APOBEC3H: variants seen among roughly 807,000 people sequenced by gnomAD.
APOBEC3H encodes DNA dC->dU-editing enzyme APOBEC-3H.
Under a neutral mutation model 21.2 loss-of-function variants are expected in APOBEC3H, and 8 were observed. That is an observed-to-expected ratio of 0.38 (90% CI 0.22 to 0.68). APOBEC3H has a LOEUF of 0.68. Among genes scored for constraint, APOBEC3H ranks in the 30% least tolerant of loss-of-function variants. The pLI is 0.52. For synonymous variants in APOBEC3H, 88 were observed against 91.0 expected, an observed-to-expected ratio of 0.97 and a Z score of 0.19; for missense variants, 229 against 228.1, an observed-to-expected ratio of 1.00 and a Z score of -0.03.
chr22:39,102,277 T>C (rs971799323), intron 4 of APOBEC3H, among the ~76,000 whole-genome samples: 1 of 151,996 alleles, frequency 6.6e-6, no homozygotes. Context: ...GCCTCCCGAG[T>C]AGCTGGGAGT....
At position 39,103,824 on chromosome 22, in the gene APOBEC3H, T is replaced by C. The variant is rs1929504350; in HGVS notation, c.*127T>C. Reference sequence around the variant, plus strand: ...CAGTTGCCTCATAGCCTGCTGGTCCTGTAAGCAAGCACTAAGCTCCACAGT... The same window carrying C: ...CAGTTGCCTCATAGCCTGCTGGTCCCGTAAGCAAGCACTAAGCTCCACAGT... On this transcript the variant is annotated 3_prime_UTR_variant, in exon 5 of 5. Coordinates refer to ENST00000442487, the MANE Select transcript of APOBEC3H (RefSeq NM_181773.5). The C allele has an allele frequency of 1.6e-6, 2 of 1,246,812 alleles. No homozygotes were observed. Among genetic ancestry groups the C allele is most frequent in the East Asian group, 2.3e-5 (1 of 43,246 alleles). 77.2% of individuals were successfully genotyped at this position (1,246,812 alleles called of 1,614,324 possible). A position where few individuals can be genotyped will look rare whatever the true frequency, so the allele number is the denominator to read the frequency against.
rs1929059626 is a variant in APOBEC3H, at chr22:39,097,270, A to G, written c.-81A>G. On this transcript the variant is annotated 5_prime_UTR_variant, in exon 1 of 5. Transcript: ENST00000442487. ...TTTTGTGACTTTTGGGAGAGCTGCC[A>G]AAAGTGAAACTTAGTGCCTCAGACA... The G allele has an allele frequency of 6.6e-6, 1 of 152,180 alleles. No individual in the cohort carries two copies. Among genetic ancestry groups the G allele is most frequent in the African/African-American group, 2.4e-5 (1 of 41,402 alleles). 9.4% of individuals were successfully genotyped at this position (152,180 alleles called of 1,614,324 possible).
Position 39,100,328 on chromosome 22 carries a change from G to A in APOBEC3H, c.50G>A (p.Arg17His), listed in dbSNP as rs747509986. The stretch of plus-strand genomic sequence containing the variant: ...TTCCGCTTACAGTTTAACAACAAGC[G>A]CCGCCTCAGAAGGCCTTACTACCCG... ...ETFRLQFNNK[R>H]RLRRPYYPRK... is the part of the protein sequence containing the mutation. The change falls in exon 2 of 5, where the codon CGC becomes CAC. Residue 17 changes from arginine to histidine, a missense_variant. Arg to His is a conservative substitution (Grantham distance 29). Coordinates refer to ENST00000442487, the MANE Select transcript of APOBEC3H (RefSeq NM_181773.5). 6.8e-6 allele frequency: 11 copies of A among 1,610,126 alleles called. No individual in the cohort carries two copies. Among genetic ancestry groups the A allele is most frequent in the South Asian group, 5.5e-5 (5 of 90,864 alleles).
At chr22:39,100,489 G>GA in intron 2 of APOBEC3H, 61 bp downstream of exon 2, 3 of 1,552,254 alleles carry the variant, frequency 1.9e-6, no homozygotes, top group Non-Finnish European at 2.6e-6. Flanking sequence ...GATGTGTGCA[G>GA]AAAATACATG....
chr22:39,097,647 T>G (rs532382432), intron 1 of APOBEC3H, among the ~76,000 whole-genome samples: 1 of 152,362 alleles, frequency 6.6e-6, no homozygotes, highest in African/African-American at 2.4e-5. Flanking sequence ...TCTGTGTGCT[T>G]CCTGCCATTC....
At chr22:39,100,190 T>A in intron 1 of APOBEC3H, 82 bp from the exon 2 acceptor site, 1 of 1,461,516 alleles carries the variant, frequency 6.8e-7, no homozygotes, top group East Asian at 2.3e-5. Flanking sequence ...AAAAAAGAGT[T>A]GGGTTTGAAA....
At position 39,100,330 on chromosome 22, in the gene APOBEC3H, C is replaced by T; in HGVS notation, c.52C>T (p.Arg18Cys). 3.7e-6 allele frequency: 6 copies of T among 1,614,050 alleles called. No individual in the cohort carries two copies. The highest frequency in any genetic ancestry group is 1.1e-5 in the South Asian group (1 of 91,078). Residue 18 changes from arginine (R) to cysteine (C), a missense_variant, in exon 2 of 5, where the codon CGC (arginine) becomes TGC (cysteine). Transcript: ENST00000442487. ...TFRLQFNNKR[R>C]LRRPYYPRKA... is the part of the protein sequence containing the mutation. ...CCGCTTACAGTTTAACAACAAGCGC[C>T]GCCTCAGAAGGCCTTACTACCCGAG...
chr22:39,097,695 A>T (rs1000762900), intron 1 of APOBEC3H, among the ~76,000 whole-genome samples: 11 of 152,196 alleles, frequency 7.2e-5, no homozygotes, highest in African/African-American at 2.7e-4. Context: ...CTAAAGGATG[A>T]TGGGAGCAAT....
At chr22:39,101,136 G>GCTCCCCCCT in intron 2 of APOBEC3H, 101 bp from the exon 3 acceptor site, 3 of 378,522 alleles carry the variant, frequency 7.9e-6, no homozygotes, top group Admixed American at 7.8e-5. Flanking sequence ...AGACCCCTCT[G>GCTCCCCCCT]CCCCCCCATC....
intron 4 of APOBEC3H, 107 bp from the exon 5 acceptor site, chr22:39,103,582 T>G: frequency 8.2e-7 from 1 of 1,218,580 alleles, no homozygotes. Context: ...GCCCTTCTGG[T>G]GCCAGTTCTT....
intron 2 of APOBEC3H, 91 bp from the exon 3 acceptor site, chr22:39,101,146 C>A: frequency 3.0e-5 from 7 of 234,122 alleles, no homozygotes; most frequent in South Asian, 8.1e-5. Flanking sequence ...GCCCCCCCAT[C>A]CCCGCCCCCG....
intron 1 of APOBEC3H, among the ~76,000 whole-genome samples, chr22:39,097,635 T>C (rs1450378239): frequency 6.6e-6 from 1 of 152,246 alleles, no homozygotes; most frequent in Non-Finnish European, 1.5e-5. Flanking sequence ...GAGGGTGCTC[T>C]CTCTGTGTGC....
At chr22:39,100,532 T>A in intron 2 of APOBEC3H, 104 bp downstream of exon 2, 3 of 1,442,914 alleles carry the variant, frequency 2.1e-6, no homozygotes, top group Non-Finnish European at 2.8e-6. Context: ...CAATTTTTGA[T>A]GTAACACCCT....
Position 39,100,313 on chromosome 22 carries a change from A to T in APOBEC3H, c.35A>T (p.Gln12Leu). 3.1e-6 allele frequency: 5 copies of T among 1,595,550 alleles called. No individual in the cohort carries two copies. The highest frequency in any genetic ancestry group is 4.3e-6 in the Non-Finnish European group (5 of 1,172,064). ...TTAACAGCCGAAACATTCCGCTTAC[A>T]GTTTAACAACAAGCGCCGCCTCAGA... ...ALLTAETFRL[Q>L]FNNKRRLRRP... The change falls in exon 2 of 5, where the codon CAG becomes CTG. Residue 12 changes from glutamine to leucine, a missense_variant. By Grantham distance (113) the Gln-to-Leu change is moderately radical (BLOSUM62 -2). Coordinates refer to ENST00000442487, the MANE Select transcript of APOBEC3H (RefSeq NM_181773.5).
intron 1 of APOBEC3H, among the ~76,000 whole-genome samples, chr22:39,098,695 C>T (rs905620955): frequency 5.3e-5 from 8 of 152,146 alleles, no homozygotes; most frequent in African/African-American, 1.9e-4. Flanking sequence ...TCACCCCGGC[C>T]CTGCTGCCCC....
At position 39,100,445 on chromosome 22, in the gene APOBEC3H, C is replaced by T; in HGVS notation, c.150+17C>T. 6.2e-7 allele frequency: 1 copy of T among 1,611,214 alleles called. No individual in the cohort carries two copies. Among genetic ancestry groups the T allele is most frequent in the Non-Finnish European group, 8.5e-7 (1 of 1,178,208 alleles). ...GAAAACAAGGTGCCACACGGGCTCT[C>T]TGGGCACAGGGCCGGCAGGGGCTAA... On this transcript the variant is annotated intron_variant, in intron 2 of 4. Coordinates refer to ENST00000442487, the MANE Select transcript of APOBEC3H (RefSeq NM_181773.5).
intron 4 of APOBEC3H, among the ~76,000 whole-genome samples, chr22:39,103,434 A>T (rs1410061012): frequency 4.6e-5 from 7 of 152,268 alleles, no homozygotes; most frequent in Non-Finnish European, 1.0e-4. Flanking sequence ...TGAAAAGCAG[A>T]TGCAACCAAA....
In APOBEC3H at chr22:39,103,952, A is replaced by G. The variant is rs905245924; in HGVS notation, c.*255A>G. On this transcript the variant is annotated 3_prime_UTR_variant, in exon 5 of 5. Coordinates refer to ENST00000442487, the MANE Select transcript of APOBEC3H (RefSeq NM_181773.5). Reference sequence around the variant, plus strand: ...TTCTAAGTGGGTGAATAATTTTATAATTGAAAAAATAAAGATAAAGTCTGT... The same window carrying G: ...TTCTAAGTGGGTGAATAATTTTATAGTTGAAAAAATAAAGATAAAGTCTGT... 3.7e-6 allele frequency: 2 copies of G among 539,986 alleles called. No individual in the cohort carries two copies. Among genetic ancestry groups the G allele is most frequent in the Admixed American group, 3.2e-5 (1 of 31,036 alleles). 33.4% of individuals were successfully genotyped at this position (539,986 alleles called of 1,614,324 possible).
At chr22:39,097,557 A>C (rs557342083) in intron 1 of APOBEC3H, among the ~76,000 whole-genome samples, 1 of 152,176 alleles carries the variant, frequency 6.6e-6, no homozygotes, top group African/African-American at 2.4e-5. Context: ...CCCGGCCTGC[A>C]CCAGCCCAAG....
Sources: gnomAD v4.1 joint callset for allele counts (sites outside exome capture counted in the v4.1 genomes callset) on GRCh38, gnomAD v4.1.1 for gene constraint, MANE v1.5 for transcripts, NCBI Gene and HGNC (gene_info 2026-07-23, HGNC 2026-07-21) for gene names.